The following TSC22D3 variants were observed in gnomAD, a reference collection of about 807,000 sequenced individuals.
TSC22D3 encodes the protein TSC22 domain family member 3, also known as TSC22 domain family protein 3.
TSC22D3 carries 4 observed loss-of-function variants against 11.1 expected under a neutral mutation model. The ratio of observed to expected loss-of-function variants is 0.36; its 90% CI spans 0.18 to 0.83. TSC22D3 has a LOEUF of 0.83. TSC22D3 is among the 40% of genes least tolerant of loss of function. The pLI, the probability that TSC22D3 is intolerant of heterozygous loss-of-function variation, is 0.48. For missense variants in TSC22D3, 118 were observed against 159.4 expected (o/e 0.74, Z 1.40); for synonymous variants, 77 against 70.3 (o/e 1.10, Z -0.48).
At chrX:107,766,460 C>G (rs894131313) in intron 1 of TSC22D3, among the ~76,000 whole-genome samples, 9 of 96,945 alleles carry the variant, frequency 9.3e-5, no homozygotes, top group Non-Finnish European at 1.0e-4. Flanking sequence ...CCGCCCCCCC[C>G]CCAACAACTC....
At chrX:107,749,922 G>A (rs913554724) in intron 1 of TSC22D3, among the ~76,000 whole-genome samples, 3 of 111,995 alleles carry the variant, frequency 2.7e-5, no homozygotes, top group Non-Finnish European at 5.6e-5. Flanking sequence ...CCCCACAACA[G>A]GCCTACATCC....
chrX:107,762,846 CTTTTTTTTT>C (rs1170456785), intron 1 of TSC22D3, among the ~76,000 whole-genome samples: 2 of 44,801 alleles, frequency 4.5e-5, no homozygotes, highest in East Asian at 5.4e-4. Flanking sequence ...TGCACATGTA[CTTTTTTTTT>C]TTTTTTTTTT....
At chrX:107,758,296 T>C (rs994558869) in intron 1 of TSC22D3, among the ~76,000 whole-genome samples, 1 of 111,203 alleles carries the variant, frequency 9.0e-6, no homozygotes, top group African/African-American at 3.3e-5. Flanking sequence ...ATCTGTGATA[T>C]AGGGAGCCCT....
intron 1 of TSC22D3, among the ~76,000 whole-genome samples, chrX:107,747,592 G>C (rs925412694): frequency 1.9e-4 from 22 of 112,958 alleles, no homozygotes; most frequent in African/African-American, 7.1e-4. Context: ...ATAGCACAGA[G>C]GACTAAAGGC....
intron 1 of TSC22D3, among the ~76,000 whole-genome samples, chrX:107,762,338 A>G (rs138305118): frequency 0.025 from 2,814 of 112,072 alleles, 31 homozygotes; most frequent in Middle Eastern, 0.041. Context: ...GGGCCCTACC[A>G]GCTCCTCAGT....
chrX:107,742,270 AG>A (rs1177596313), intron 1 of TSC22D3, among the ~76,000 whole-genome samples: 2 of 74,195 alleles, frequency 2.7e-5, no homozygotes, highest in African/African-American at 1.2e-4. Context: ...TGAGAGAGAG[AG>A]AGAGAGAGAA....
chrX:107,739,737 G>A (rs780363432), intron 1 of TSC22D3, among the ~76,000 whole-genome samples: 2 of 112,681 alleles, frequency 1.8e-5, no homozygotes, highest in East Asian at 5.6e-4. Flanking sequence ...CAGGGATAAT[G>A]GGTTCAGCTC....
intron 1 of TSC22D3, among the ~76,000 whole-genome samples, chrX:107,746,397 AAGAC>A (rs1276078702): frequency 5.4e-5 from 6 of 111,320 alleles, no homozygotes; most frequent in Non-Finnish European, 1.1e-4. Context: ...CTAGACAGAC[AAGAC>A]AGACAGACAC....
In TSC22D3 at chrX:107,716,938, G is replaced by C. The variant is rs914128826; in HGVS notation, c.321-988C>G. 13 of 1,109,932 alleles carry C rather than the reference G, an allele frequency of 1.2e-5. No individual in the cohort carries two copies. The Admixed American group carries it at 2.6e-4, about 22-fold the overall frequency. 91.5% of individuals were successfully genotyped at this position (1,109,932 alleles called of 1,213,427 possible). ...GGAGTCCGGCCCTGAGGCTAGGAGC[G>C]GGGCGAAGGCTGCAGAACGAACCCA... On this transcript the variant is annotated intron_variant, in intron 1 of 2. Transcript: ENST00000372383.
chrX:107,720,586 G>A (rs1165381029), intron 1 of TSC22D3, among the ~76,000 whole-genome samples: 3 of 111,447 alleles, frequency 2.7e-5, no homozygotes, highest in South Asian at 3.8e-4. Flanking sequence ...CCAGCTACTC[G>A]GGAGGCTGAG....
At chrX:107,758,531 T>C (rs1264506276) in intron 1 of TSC22D3, among the ~76,000 whole-genome samples, 1 of 111,876 alleles carries the variant, frequency 8.9e-6, no homozygotes, top group Non-Finnish European at 1.9e-5. Context: ...AGCAGTCAGA[T>C]TCTCAAAGGG....
chrX:107,746,895 A>G lies in TSC22D3; in HGVS notation c.320+28205T>C, dbSNP rs184175130. 2.9e-4 allele frequency among the ~76,000 whole-genome samples: 33 copies of G among 112,476 alleles called. 1 individual carries two copies. Among genetic ancestry groups the G allele is most frequent in the African/African-American group, 5.8e-4 (18 of 30,961 alleles). On this transcript the variant is annotated intron_variant, in intron 1 of 2. Transcript: ENST00000372383. ...GTGAACTGGATAAATACTTTTTCCA[A>G]TGTTTCTTAGCATGATGGAAAAGTC... is the stretch of plus-strand genomic sequence containing the variant.
At chrX:107,721,128 C>T (rs923382595) in intron 1 of TSC22D3, among the ~76,000 whole-genome samples, 14 of 111,975 alleles carry the variant, frequency 1.3e-4, no homozygotes, top group Non-Finnish European at 2.1e-4. Context: ...CAGCTGTAGT[C>T]TTAAAGGGAC....
rs187858653 is a variant in TSC22D3 at position 107,759,616 on chromosome X, C to T, written c.320+15484G>A. Among the ~76,000 whole-genome samples the T allele has an allele frequency of 9.9e-4, 112 of 112,793 alleles. 1 individual carries two copies. The highest frequency in any genetic ancestry group is 1.9e-3 in the Non-Finnish European group (101 of 53,299). ...CTCCTCCAGGAACTGTGCCTCCTCC[C>T]CAAGCTCTGGGTCCTCCCCGAGTTG... On this transcript the variant is annotated intron_variant, in intron 1 of 2. Transcript: ENST00000372383.
chrX:107,737,954 G>A (rs746266733), intron 1 of TSC22D3, among the ~76,000 whole-genome samples: 36 of 112,260 alleles, frequency 3.2e-4, no homozygotes, highest in African/African-American at 1.1e-3. Context: ...GGTGCCTGGG[G>A]TGGTGAGCTG....
At chrX:107,744,819 G>T (rs1055555144) in intron 1 of TSC22D3, among the ~76,000 whole-genome samples, 1 of 111,736 alleles carries the variant, frequency 8.9e-6, no homozygotes, top group Non-Finnish European at 1.9e-5. Flanking sequence ...TTTTTTCCAT[G>T]TATATCCCAT....
intron 1 of TSC22D3, among the ~76,000 whole-genome samples, chrX:107,741,618 C>T (rs192026531): frequency 7.1e-5 from 8 of 112,891 alleles, no homozygotes; most frequent in Non-Finnish European, 1.5e-4. Context: ...CTTCCTAAGG[C>T]TCTAGCTGCA....
chrX:107,766,274 A>C (rs1391313017), intron 1 of TSC22D3, among the ~76,000 whole-genome samples: 6 of 111,834 alleles, frequency 5.4e-5, no homozygotes, highest in Non-Finnish European at 1.1e-4. Context: ...CCGGTAATGT[A>C]ATTTTCTGAA....
chrX:107,744,418 T>C (rs1928561754), intron 1 of TSC22D3, among the ~76,000 whole-genome samples: 1 of 110,398 alleles, frequency 9.1e-6, no homozygotes, highest in Admixed American at 9.6e-5. Flanking sequence ...GAGGCAGAGG[T>C]TGCAGTGAGC....
Sources: allele counts gnomAD v4.1 joint callset (sites outside exome capture counted in the v4.1 genomes callset), GRCh38; gene constraint gnomAD v4.1.1; transcripts MANE v1.5; gene names NCBI Gene and HGNC (gene_info 2026-07-23, HGNC 2026-07-21).